The following MAP6D1 variants were observed in gnomAD, a reference collection of about 807,000 sequenced individuals.
MAP6D1 encodes MAP6 domain containing 1, also known as MAP6 domain-containing protein 1.
A neutral mutation model predicts 17.4 loss-of-function variants in MAP6D1; 13 were observed. The ratio of observed to expected loss-of-function variants is 0.75; its 90% CI spans 0.49 to 1.19. The LOEUF (loss-of-function observed/expected upper bound fraction) is 1.19, where lower values mean the gene tolerates loss of function less well. Ranked by LOEUF, MAP6D1 falls within the 50% of genes most tolerant of loss-of-function variation. MAP6D1 has a pLI of 0.00. For synonymous variants in MAP6D1, 141 were observed against 145.7 expected (o/e 0.97, Z 0.23); for missense variants, 313 against 312.6 (o/e 1.00, Z -0.01).
chr3:183,818,195 G>T, intron 1 of MAP6D1, 84 bp from the exon 2 acceptor site: 2 of 1,102,898 alleles, frequency 1.8e-6, no homozygotes, highest in Non-Finnish European at 2.8e-6. Flanking sequence ...TCTGCCCCAT[G>T]CACGGCCCTG....
chr3:183,825,536 G>C lies in MAP6D1; in HGVS notation c.12C>G (p.Pro4=). The C allele has an allele frequency of 7.8e-7, 1 of 1,281,862 alleles. No homozygotes were observed. Among genetic ancestry groups the C allele is most frequent in the Non-Finnish European group, 9.8e-7 (1 of 1,017,122 alleles). The allele number at this position is 1,281,862 out of a possible 1,614,324, so 79.4% of individuals were successfully genotyped here. A position where few individuals can be genotyped will look rare whatever the true frequency, so the allele number is the denominator to read the frequency against. The change falls in exon 1 of 3, where the codon CCC becomes CCG. Residue 4 remains proline, a synonymous_variant. Coordinates refer to ENST00000318631, the MANE Select transcript of MAP6D1 (RefSeq NM_024871.4). ...CCAGGCAGCACAGGCGGCTGATACA[G>C]GGCCACGCCATGCCAGCCCCGGCGC... The part of the protein sequence containing the change: MAW[P]CISRLCCLAR...
intron 1 of MAP6D1, among the ~76,000 whole-genome samples, chr3:183,822,210 C>T (rs1310930771): frequency 1.3e-5 from 2 of 149,268 alleles, no homozygotes; most frequent in Non-Finnish European, 3.0e-5. Flanking sequence ...AATTTGAGAC[C>T]AGCCTGGGCA....
At chr3:183,817,549 G>A (rs1159793598) in intron 2 of MAP6D1, 113 bp from the exon 3 acceptor site, 6 of 942,870 alleles carry the variant, frequency 6.4e-6, no homozygotes, top group Non-Finnish European at 9.6e-6. Context: ...TCCTCCAGGA[G>A]TTGAGACCTG....
chr3:183,824,650 G>T (rs953379767), intron 1 of MAP6D1, among the ~76,000 whole-genome samples: 1 of 152,230 alleles, frequency 6.6e-6, no homozygotes, highest in Non-Finnish European at 1.5e-5. Flanking sequence ...GGGAGGGCCC[G>T]CGGACCCGTT....
intron 1 of MAP6D1, among the ~76,000 whole-genome samples, chr3:183,820,914 T>C (rs1331706453): frequency 7.2e-6 from 1 of 137,972 alleles, no homozygotes; most frequent in Non-Finnish European, 1.5e-5. Context: ...CTCAAATAAA[T>C]AAATAAATAA....
chr3:183,817,047 G>A lies in MAP6D1; in HGVS notation c.*309C>T, dbSNP rs189944617. Reference sequence around the variant, plus strand: ...TTCCTCAGCTTCCATGGACCAATTCGGTTCCCAACTGACTTGATCCTCAGG... The same window carrying A: ...TTCCTCAGCTTCCATGGACCAATTCAGTTCCCAACTGACTTGATCCTCAGG... On this transcript the variant is annotated 3_prime_UTR_variant, in exon 3 of 3. Coordinates refer to ENST00000318631, the MANE Select transcript of MAP6D1 (RefSeq NM_024871.4). The A allele has an allele frequency of 1.7e-4, 66 of 388,046 alleles. No individual in the cohort carries two copies. In the East Asian group the frequency reaches 3.1e-3, roughly 18 times the overall value. 24.0% of individuals were successfully genotyped at this position (388,046 alleles called of 1,614,324 possible).
At chr3:183,820,723 C>T (rs1449137414) in intron 1 of MAP6D1, among the ~76,000 whole-genome samples, 2 of 140,706 alleles carry the variant, frequency 1.4e-5, no homozygotes, top group African/African-American at 5.2e-5. Flanking sequence ...CACGGTGAAA[C>T]CCCGTCTCTA....
In MAP6D1 at chr3:183,816,794, G is replaced by C. The variant is rs938388386; in HGVS notation, c.*562C>G. 6.5e-6 allele frequency: 1 copy of C among 154,108 alleles called. No homozygotes were observed. Among genetic ancestry groups the C allele is most frequent in the Non-Finnish European group, 1.4e-5 (1 of 69,278 alleles). 9.5% of individuals were successfully genotyped at this position (154,108 alleles called of 1,614,324 possible). ...AAGGAGGTCTGTGAAGTGGAAGCCC[G>C]TGACTGACGGTCTGTTTCTTCTGGA... On this transcript the variant is annotated 3_prime_UTR_variant, in exon 3 of 3. Transcript: ENST00000318631.
chr3:183,817,180 A>C lies in MAP6D1; in HGVS notation c.*176T>G. 1.6e-6 allele frequency: 1 copy of C among 614,210 alleles called. No homozygotes were observed. Among genetic ancestry groups the C allele is most frequent in the Non-Finnish European group, 2.9e-6 (1 of 347,472 alleles). The allele number at this position is 614,210 out of a possible 1,614,324, so 38.0% of individuals were successfully genotyped here. A position where few individuals can be genotyped will look rare whatever the true frequency, so the allele number is the denominator to read the frequency against. ...GCTTGAGGCTGAGCTGGGTGTGCCA[A>C]GTCCATCGGTGCATCTGCTCCACAC... On this transcript the variant is annotated 3_prime_UTR_variant, in exon 3 of 3. Coordinates refer to ENST00000318631, the MANE Select transcript of MAP6D1 (RefSeq NM_024871.4).
Position 183,825,253 on chromosome 3 carries a change from TGCCCCTGCGGCCGCCCGCCCCCGGTCCGC to T in MAP6D1, c.266_294del (p.Arg89GlnfsTer86), listed in dbSNP as rs1417069130. The T allele has an allele frequency of 3.5e-5, 47 of 1,356,842 alleles. 1 individual carries two copies. The highest frequency in any genetic ancestry group is 4.0e-5 in the Non-Finnish European group (42 of 1,056,286). 84.1% of individuals were successfully genotyped at this position (1,356,842 alleles called of 1,614,324 possible). ...GGCGCGGAGGACTGCGCGGAGGATT[TGCCCCTGCGGCCGCCCGCCCCCGGTCCGC>T]GCCCCGGCGGCGGATCCTTGGGCCC... On this transcript the variant is annotated frameshift_variant, in exon 1 of 3. Coordinates refer to ENST00000318631, the MANE Select transcript of MAP6D1 (RefSeq NM_024871.4). LOFTEE classifies it high-confidence loss of function.
intron 1 of MAP6D1, among the ~76,000 whole-genome samples, chr3:183,820,798 T>G (rs186838979): frequency 2.7e-4 from 41 of 151,748 alleles, no homozygotes; most frequent in African/African-American, 6.3e-4. Context: ...TCCCAGCTAC[T>G]CGGGAGGCTG....
Position 183,825,503 on chromosome 3 carries a change from G to T in MAP6D1, c.45C>A (p.Arg15=). The change falls in exon 1 of 3, where the codon CGC becomes CGA. Residue 15 remains arginine, a synonymous_variant. Coordinates refer to ENST00000318631, the MANE Select transcript of MAP6D1 (RefSeq NM_024871.4). ...CGTCGGAGCGGTCCAGCTGGTTCCAGCGCCGCGCCAGGCAGCACAGGCGGC... is the reference window on the plus strand; with the variant it reads ...CGTCGGAGCGGTCCAGCTGGTTCCATCGCCGCGCCAGGCAGCACAGGCGGC... ...CISRLCCLAR[R]WNQLDRSDVA... The T allele has an allele frequency of 7.1e-7, 1 of 1,400,422 alleles. No individual in the cohort carries two copies. The highest frequency in any genetic ancestry group is 9.3e-7 in the Non-Finnish European group (1 of 1,077,056). 86.7% of individuals were successfully genotyped at this position (1,400,422 alleles called of 1,614,324 possible).
At chr3:183,822,263 A>G (rs1727275770) in intron 1 of MAP6D1, among the ~76,000 whole-genome samples, 1 of 100,890 alleles carries the variant, frequency 9.9e-6, no homozygotes. Flanking sequence ...ACACACACAC[A>G]CACACACACA....
intron 1 of MAP6D1, among the ~76,000 whole-genome samples, chr3:183,824,507 G>A (rs1727327200): frequency 6.6e-6 from 1 of 152,210 alleles, no homozygotes; most frequent in African/African-American, 2.4e-5. Context: ...TCTGGGGAGG[G>A]ATCAAGGAGA....
intron 1 of MAP6D1, among the ~76,000 whole-genome samples, chr3:183,824,604 C>G (rs1727329933): frequency 6.6e-6 from 1 of 152,244 alleles, no homozygotes; most frequent in Non-Finnish European, 1.5e-5. Flanking sequence ...GGAGAAAGCC[C>G]TCGGCTGTCC....
Position 183,825,140 on chromosome 3 carries a change from C to T in MAP6D1, c.401+7G>A, listed in dbSNP as rs1405712511. The T allele has an allele frequency of 6.9e-7, 1 of 1,442,898 alleles. No homozygotes were observed. The allele number at this position is 1,442,898 out of a possible 1,614,324, so 89.4% of individuals were successfully genotyped here. ...GGGACTCGTTGCGGTCCCTACCCAG[C>T]CCATACCTGTACGACGTGGTCACTG... On this transcript the variant is annotated splice_region_variant and intron_variant, in intron 1 of 2. Transcript: ENST00000318631.
chr3:183,817,955 T>G, intron 2 of MAP6D1, 39 bp downstream of exon 2: 2 of 1,516,856 alleles, frequency 1.3e-6, no homozygotes, highest in South Asian at 2.3e-5. Context: ...GAAAGAGGCC[T>G]CTATACCCAC....
At chr3:183,822,243 AC>A (rs1375169500) in intron 1 of MAP6D1, among the ~76,000 whole-genome samples, 2 of 452 alleles carry the variant, frequency 4.4e-3, no homozygotes, top group Non-Finnish European at 0.012. Flanking sequence ...TCTCTAAAAC[AC>A]ACACACACAC....
Position 183,818,152 on chromosome 3 carries a change from C to A in MAP6D1, c.402-41G>T. ...CGGTCACAAGCTTGCACAGGGTCAG[C>A]CACCCCTTTACCGACTCCCCAGGGG... On this transcript the variant is annotated intron_variant, in intron 1 of 2. Transcript: ENST00000318631. 3 of 1,564,226 alleles carry A rather than the reference C, an allele frequency of 1.9e-6. No homozygotes were observed. The Admixed American group carries it at 5.0e-5, about 26-fold the overall frequency.
Sources: gnomAD v4.1 joint callset for allele counts (sites outside exome capture counted in the v4.1 genomes callset) on GRCh38, gnomAD v4.1.1 for gene constraint, MANE v1.5 for transcripts, NCBI Gene and HGNC (gene_info 2026-07-23, HGNC 2026-07-21) for gene names.